ARHGEF10L: variants seen among roughly 807,000 people sequenced by gnomAD.
ARHGEF10L encodes rho guanine nucleotide exchange factor 10-like protein.
ARHGEF10L carries 69 observed loss-of-function variants against 141.2 expected under a neutral mutation model. That is an observed-to-expected ratio of 0.49 (90% CI 0.40 to 0.60). ARHGEF10L has a LOEUF of 0.60. Among genes scored for constraint, ARHGEF10L ranks in the 20% least tolerant of loss-of-function variants. ARHGEF10L has a pLI of 0.00. For synonymous variants in ARHGEF10L, 711 were observed against 718.5 expected (o/e 0.99, Z 0.17); for missense variants, 1,482 against 1,734.3 (o/e 0.85, Z 2.58).
In ARHGEF10L at chr1:17,582,691, T is replaced by A. The variant is rs555710240; in HGVS notation, c.37+2059T>A. On this transcript the variant is annotated intron_variant, in intron 2 of 28. Coordinates refer to ENST00000361221, the MANE Select transcript of ARHGEF10L (RefSeq NM_018125.4). ...AGGGCAGCCTCATCCTCGGAGCCCT[T>A]CCTGAAGCCCCAGAGAGCCCCAGCC... 2.0e-5 allele frequency among the ~76,000 whole-genome samples: 3 copies of A among 152,294 alleles called. No individual in the cohort carries two copies. In the East Asian group the frequency reaches 5.8e-4, roughly 29 times the overall value.
intron 21 of ARHGEF10L, among the ~76,000 whole-genome samples, chr1:17,646,797 C>A (rs556961344): frequency 6.6e-6 from 1 of 151,898 alleles, no homozygotes; most frequent in Non-Finnish European, 1.5e-5. Context: ...CCTCTGGGCC[C>A]GTCCCGGCGA....
chr1:17,547,957 C>T (rs1557691907), intron 1 of ARHGEF10L, among the ~76,000 whole-genome samples: 3 of 152,136 alleles, frequency 2.0e-5, no homozygotes, highest in Non-Finnish European at 1.5e-5. Context: ...CTGCTCCCTG[C>T]TGGGGCTCTT....
At chr1:17,523,949 CTG>C in the ARHGEF10L span, among the ~76,000 whole-genome samples, 5 of 152,126 alleles carry the variant, frequency 3.3e-5, no homozygotes, top group East Asian at 9.6e-4. Context: ...TCTTCTGTGA[CTG>C]TGAAAGCTTT....
chr1:17,614,515 G>A (rs114198273), intron 8 of ARHGEF10L, among the ~76,000 whole-genome samples: 3,528 of 152,234 alleles, frequency 0.023, 145 homozygotes, highest in African/African-American at 0.081. Flanking sequence ...TTGGGGGCTC[G>A]CAGGACAGCA....
chr1:17,634,168 G>A (rs910688935), intron 16 of ARHGEF10L: 3 of 317,776 alleles, frequency 9.4e-6, no homozygotes, highest in South Asian at 4.0e-5. Flanking sequence ...CCTGGGCACC[G>A]TGTGGTGCCG....
chr1:17,678,694 C>T (rs1375334392), intron 26 of ARHGEF10L, among the ~76,000 whole-genome samples: 3 of 152,182 alleles, frequency 2.0e-5, no homozygotes, highest in Non-Finnish European at 4.4e-5. Context: ...GCTGGGATTA[C>T]AGGCATGAGC....
intron 6 of ARHGEF10L, among the ~76,000 whole-genome samples, chr1:17,606,901 G>A (rs549487248): frequency 2.8e-4 from 42 of 152,316 alleles, no homozygotes; most frequent in African/African-American, 9.9e-4. Context: ...TGGGCCCCAC[G>A]AGTGCCCTGG....
chr1:17,670,532 AT>A (rs1278371482), intron 26 of ARHGEF10L, among the ~76,000 whole-genome samples: 1 of 152,160 alleles, frequency 6.6e-6, no homozygotes, highest in African/African-American at 2.4e-5. Context: ...AAAAAAACTT[AT>A]TGGGAACAGG....
intron 4 of ARHGEF10L, among the ~76,000 whole-genome samples, chr1:17,596,928 G>C (rs1015205110): frequency 6.6e-6 from 1 of 152,166 alleles, no homozygotes; most frequent in African/African-American, 2.4e-5. Context: ...GGTGGCACAC[G>C]GGGACCTACC....
chr1:17,599,808 C>T (rs1315530394), intron 4 of ARHGEF10L, among the ~76,000 whole-genome samples: 1 of 152,204 alleles, frequency 6.6e-6, no homozygotes, highest in Non-Finnish European at 1.5e-5. Flanking sequence ...TCTAATAGGG[C>T]AGGTGACTTA....
intron 1 of ARHGEF10L, among the ~76,000 whole-genome samples, chr1:17,568,199 A>C (rs1557717484): frequency 2.0e-5 from 3 of 152,166 alleles, no homozygotes; most frequent in Non-Finnish European, 4.4e-5. Flanking sequence ...GCTGCTGTTC[A>C]TTTAGCAGGA....
intron 1 of ARHGEF10L, among the ~76,000 whole-genome samples, chr1:17,579,240 C>T (rs1440348650): frequency 6.6e-6 from 1 of 152,116 alleles, no homozygotes; most frequent in Non-Finnish European, 1.5e-5. Context: ...AGGCTGGTCT[C>T]GAACTCCTGA....
chr1:17,636,079 C>A (rs1400286667), intron 18 of ARHGEF10L, among the ~76,000 whole-genome samples: 1 of 152,190 alleles, frequency 6.6e-6, no homozygotes, highest in Non-Finnish European at 1.5e-5. Flanking sequence ...CACGTGCCTT[C>A]CTCGGAGGCA....
At chr1:17,679,921 C>G (rs1030377790) in intron 26 of ARHGEF10L, among the ~76,000 whole-genome samples, 1 of 152,174 alleles carries the variant, frequency 6.6e-6, no homozygotes, top group Non-Finnish European at 1.5e-5. Context: ...CTCCCAGGGC[C>G]AGCTCGGTGG....
At chr1:17,650,855 G>T (rs891914765) in intron 22 of ARHGEF10L, among the ~76,000 whole-genome samples, 4 of 152,058 alleles carry the variant, frequency 2.6e-5, no homozygotes, top group Non-Finnish European at 4.4e-5. Context: ...GGAGTAAGGC[G>T]CCTTTGCCTC....
chr1:17,608,990 C>T (rs2059402434), intron 7 of ARHGEF10L, among the ~76,000 whole-genome samples: 1 of 152,168 alleles, frequency 6.6e-6, no homozygotes, highest in African/African-American at 2.4e-5. Context: ...GTCATGTTGC[C>T]CAGGCTGGTC....
chr1:17,556,773 T>C (rs1158224688), intron 1 of ARHGEF10L, among the ~76,000 whole-genome samples: 1 of 152,200 alleles, frequency 6.6e-6, no homozygotes, highest in Non-Finnish European at 1.5e-5. Flanking sequence ...GCTTAGCATC[T>C]GCATTTAAAA....
At chr1:17,556,275 G>T (rs867412737) in intron 1 of ARHGEF10L, among the ~76,000 whole-genome samples, 18 of 107,038 alleles carry the variant, frequency 1.7e-4, no homozygotes, top group Admixed American at 4.5e-4. Flanking sequence ...ATGGCGGCGG[G>T]GGGGGGGCCT....
At chr1:17,674,965 G>A (rs960618284) in intron 26 of ARHGEF10L, among the ~76,000 whole-genome samples, 6 of 152,270 alleles carry the variant, frequency 3.9e-5, no homozygotes, top group Admixed American at 3.9e-4. Context: ...GCCTAATGAT[G>A]CCTTTCTCAG....
Sources: gnomAD v4.1 joint callset for allele counts (sites outside exome capture counted in the v4.1 genomes callset) on GRCh38, gnomAD v4.1.1 for gene constraint, MANE v1.5 for transcripts, NCBI Gene and HGNC (gene_info 2026-07-23, HGNC 2026-07-21) for gene names.